COL27A1: variants seen among roughly 807,000 people sequenced by gnomAD.
COL27A1 encodes the protein collagen alpha-1(XXVII) chain.
A neutral mutation model predicts 251.3 loss-of-function variants in COL27A1; 106 were observed. The ratio of observed to expected loss-of-function variants is 0.42; its 90% CI spans 0.36 to 0.50. The LOEUF is 0.50. COL27A1 is among the 20% of genes least tolerant of loss of function. The pLI is 0.00. For synonymous variants in COL27A1, 1,000 were observed against 986.3 expected (o/e 1.01, Z -0.26); for missense variants, 2,325 against 2,522.8 (o/e 0.92, Z 1.68).
chr9:114,196,377 G>A (rs565702218), intron 7 of COL27A1, among the ~76,000 whole-genome samples: 3 of 152,310 alleles, frequency 2.0e-5, no homozygotes, highest in East Asian at 1.9e-4. Flanking sequence ...CTGAGAGGCC[G>A]TGGGCCTGCG....
chr9:114,227,407 T>C (rs1329078784), intron 14 of COL27A1, among the ~76,000 whole-genome samples: 1 of 150,726 alleles, frequency 6.6e-6, no homozygotes, highest in Non-Finnish European at 1.5e-5. Context: ...AGACCTGGGT[T>C]CTGGTCCTGC....
At chr9:114,265,031 T>C (rs1296515515) in intron 30 of COL27A1, 35 bp from the exon 31 acceptor site, 1 of 1,612,662 alleles carries the variant, frequency 6.2e-7, no homozygotes, top group Non-Finnish European at 8.5e-7. Context: ...TGCTTTGTGA[T>C]CTGAGCCTGT....
intron 1 of COL27A1, among the ~76,000 whole-genome samples, chr9:114,156,427 G>T (rs1848127358): frequency 6.6e-6 from 1 of 152,046 alleles, no homozygotes; most frequent in Non-Finnish European, 1.5e-5. Flanking sequence ...GTACGTCTCC[G>T]TTTCTATCTG....
chr9:114,181,408 G>A (rs185633403), intron 4 of COL27A1, among the ~76,000 whole-genome samples: 47 of 152,320 alleles, frequency 3.1e-4, no homozygotes, highest in African/African-American at 1.1e-3. Context: ...AAGGAAGAGA[G>A]GAAGAGGGAG....
intron 24 of COL27A1, among the ~76,000 whole-genome samples, chr9:114,249,108 T>C (rs1434182595): frequency 6.6e-6 from 1 of 152,212 alleles, no homozygotes; most frequent in African/African-American, 2.4e-5. Flanking sequence ...AGAGACTGAT[T>C]TGCCCAGAAC....
At chr9:114,197,022 C>T (rs968438265) in intron 7 of COL27A1, among the ~76,000 whole-genome samples, 2 of 152,216 alleles carry the variant, frequency 1.3e-5, no homozygotes, top group African/African-American at 4.8e-5. Context: ...GTTTATTGCT[C>T]TTCCTACTGA....
At chr9:114,240,546 C>A in intron 21 of COL27A1, 59 bp downstream of exon 21, 1 of 1,526,334 alleles carries the variant, frequency 6.6e-7, no homozygotes, top group Non-Finnish European at 8.9e-7. Context: ...CCCCAGCCTG[C>A]CCTGTCCTGG....
chr9:114,226,787 C>A (rs1831501801), intron 14 of COL27A1, among the ~76,000 whole-genome samples: 1 of 152,240 alleles, frequency 6.6e-6, no homozygotes, highest in South Asian at 2.1e-4. Context: ...CAGAGCTGTG[C>A]CCTGTGCTAG....
rs1238880690 is a variant in COL27A1 at position 114,222,239 on chromosome 9, C to T, written c.2438C>T (p.Pro813Leu). ...TATCTGCAGGGAGAACTGGGCCTGCCAGGCCCCCCTGGAGTCCCCGGCCTC... is the reference window on the plus strand; with the variant it reads ...TATCTGCAGGGAGAACTGGGCCTGCTAGGCCCCCCTGGAGTCCCCGGCCTC... ...LDGNPGELGL[P>L]GPPGVPGLIG... Residue 813 changes from proline to leucine, a missense_variant, in exon 14 of 61, where the codon CCA (proline) becomes CTA (leucine). Physicochemically the swap from Pro to Leu is moderately conservative, Grantham distance 98 (BLOSUM62 -3). Transcript: ENST00000356083. 1 of 1,613,822 alleles carries T rather than the reference C, an allele frequency of 6.2e-7. No homozygotes were observed.
chr9:114,198,724 T>C (rs1829344321), intron 7 of COL27A1, among the ~76,000 whole-genome samples: 1 of 152,132 alleles, frequency 6.6e-6, no homozygotes, highest in Non-Finnish European at 1.5e-5. Context: ...TTTGTTTCTC[T>C]GCCACCGCCT....
chr9:114,215,205 C>A (rs2135359176), intron 12 of COL27A1, among the ~76,000 whole-genome samples: 1 of 152,362 alleles, frequency 6.6e-6, no homozygotes, highest in East Asian at 1.9e-4. Flanking sequence ...GCCGCGCAGT[C>A]CTCTGGGAGG....
At chr9:114,260,840 C>G (rs2135572085) in intron 28 of COL27A1, among the ~76,000 whole-genome samples, 1 of 152,318 alleles carries the variant, frequency 6.6e-6, no homozygotes, top group South Asian at 2.1e-4. Context: ...CTCTCAGAGC[C>G]TTTCTCCCAC....
chr9:114,284,433 G>A (rs1479140265), intron 40 of COL27A1, among the ~76,000 whole-genome samples: 1 of 152,204 alleles, frequency 6.6e-6, no homozygotes. Context: ...CCTGTCCCTG[G>A]TTCTGGCTGG....
intron 14 of COL27A1, among the ~76,000 whole-genome samples, chr9:114,230,866 A>G (rs1458770522): frequency 6.6e-6 from 1 of 152,244 alleles, no homozygotes; most frequent in Non-Finnish European, 1.5e-5. Flanking sequence ...GCAGCAGTCT[A>G]GAAATGAGCT....
At chr9:114,274,371 A>C (rs185647005) in intron 36 of COL27A1, 1 of 152,338 alleles carries the variant, frequency 6.6e-6, no homozygotes, top group Admixed American at 6.5e-5. Flanking sequence ...TCCTGCTTCA[A>C]AGTCCAGCTC....
rs778743436 is a variant in COL27A1 at position 114,250,571 on chromosome 9, C to T, written c.2980-44C>T. Reference sequence around the variant, plus strand: ...GGAAGGAGCGGGAGGGCTGGGTCCCCGGATTCACGTTGTTTCTCTTGCTTT... The same window carrying T: ...GGAAGGAGCGGGAGGGCTGGGTCCCTGGATTCACGTTGTTTCTCTTGCTTT... On this transcript the variant is annotated intron_variant, in intron 24 of 60. Transcript: ENST00000356083. 5.2e-5 allele frequency: 83 copies of T among 1,586,904 alleles called. No individual in the cohort carries two copies. In the Admixed American group the frequency reaches 8.4e-4, roughly 16 times the overall value.
intron 35 of COL27A1, among the ~76,000 whole-genome samples, chr9:114,269,791 G>A (rs1835011062): frequency 1.3e-5 from 2 of 152,100 alleles, no homozygotes; most frequent in Admixed American, 6.5e-5. Flanking sequence ...GCATTCCAGC[G>A]GGTTGATAAG....
intron 7 of COL27A1, among the ~76,000 whole-genome samples, chr9:114,203,773 G>A (rs1213336418): frequency 1.3e-5 from 2 of 152,202 alleles, no homozygotes; most frequent in Admixed American, 1.3e-4. Context: ...GTGTGTGTCT[G>A]TGTAAGTGCA....
intron 2 of COL27A1, among the ~76,000 whole-genome samples, chr9:114,165,137 C>T (rs1456192314): frequency 6.6e-6 from 1 of 152,170 alleles, no homozygotes; most frequent in Non-Finnish European, 1.5e-5. Context: ...CACTTTATAG[C>T]CCTGTTTTAC....
Sources: gnomAD v4.1 joint callset for allele counts (sites outside exome capture counted in the v4.1 genomes callset) on GRCh38, gnomAD v4.1.1 for gene constraint, MANE v1.5 for transcripts, NCBI Gene and HGNC (gene_info 2026-07-23, HGNC 2026-07-21) for gene names.